SHMT1: variants seen among roughly 807,000 people sequenced by gnomAD.
SHMT1 encodes serine hydroxymethyltransferase 1.
SHMT1 carries 45 observed loss-of-function variants against 49.0 expected under a neutral mutation model. The ratio of observed to expected loss-of-function variants is 0.92; its 90% CI spans 0.72 to 1.18. SHMT1 has a LOEUF of 1.18. Ranked by LOEUF, SHMT1 falls within the 50% of genes most tolerant of loss-of-function variation. The probability of loss-of-function intolerance (pLI) is 0.00; values close to 1 mark genes in which losing one functional copy is unlikely to be tolerated. For missense variants in SHMT1, 541 were observed against 612.4 expected, an observed-to-expected ratio of 0.88 and a Z score of 1.23; for synonymous variants, 232 against 246.6, an observed-to-expected ratio of 0.94 and a Z score of 0.55.
intron 1 of SHMT1, among the ~76,000 whole-genome samples, chr17:18,362,036 A>G (rs746835443): frequency 1.3e-5 from 2 of 152,210 alleles, no homozygotes; most frequent in Non-Finnish European, 2.9e-5. Flanking sequence ...CCTCTGTCAC[A>G]TAAGAGGATC....
At chr17:18,346,371 G>A (rs995596213) in intron 5 of SHMT1, among the ~76,000 whole-genome samples, 1 of 152,126 alleles carries the variant, frequency 6.6e-6, no homozygotes, top group Admixed American at 6.6e-5. Flanking sequence ...ATTATCCTTC[G>A]TTTTTATAGA....
At chr17:18,349,893 G>A (rs534427928) in intron 3 of SHMT1, among the ~76,000 whole-genome samples, 11 of 152,056 alleles carry the variant, frequency 7.2e-5, no homozygotes, top group South Asian at 4.2e-4. Context: ...GGTGGTGCAC[G>A]CCTGTATTCC....
chr17:18,338,165 G>A (rs1374586327), intron 7 of SHMT1, among the ~76,000 whole-genome samples: 1 of 150,916 alleles, frequency 6.6e-6, no homozygotes, highest in East Asian at 2.0e-4. Flanking sequence ...TGAGATGTGG[G>A]GAGCGCCTCT....
chr17:18,331,751 G>C (rs1365948767), intron 9 of SHMT1: 1 of 152,252 alleles, frequency 6.6e-6, no homozygotes, highest in Admixed American at 6.5e-5. Flanking sequence ...GCACATTGAA[G>C]TTTAAGAAAC....
At chr17:18,353,949 G>A (rs1041966776) in intron 2 of SHMT1, 132 bp from the exon 3 acceptor site, 1 of 843,278 alleles carries the variant, frequency 1.2e-6, no homozygotes, top group East Asian at 2.5e-5. Context: ...CTCCTCAAAG[G>A]TTTTAGTATC....
At chr17:18,359,914 G>A (rs1033175064) in intron 1 of SHMT1, among the ~76,000 whole-genome samples, 5 of 148,904 alleles carry the variant, frequency 3.4e-5, no homozygotes, top group Middle Eastern at 3.5e-3. Context: ...CCACTGCACC[G>A]CAGCCTGGCA....
intron 3 of SHMT1, among the ~76,000 whole-genome samples, chr17:18,350,977 C>T (rs569278063): frequency 1.3e-5 from 2 of 152,206 alleles, no homozygotes; most frequent in East Asian, 3.9e-4. Flanking sequence ...AGGTGATCCA[C>T]CTGCCTCAGC....
Position 18,340,219 on chromosome 17 carries a change from C to CG in SHMT1, c.637dup (p.Arg213ProfsTer8), listed in dbSNP as rs762311288. ...GTTCTCATCTGCAATCTTCCGTAGCCGGGCATATTCCAGGTTTCGGGAGTA... is the reference window on the plus strand; with the variant it reads ...GTTCTCATCTGCAATCTTCCGTAGCCGGGGCATATTCCAGGTTTCGGGAGTA... On this transcript the variant is annotated frameshift_variant, in exon 7 of 12. Coordinates refer to ENST00000316694, the MANE Select transcript of SHMT1 (RefSeq NM_004169.5). LOFTEE classifies it high-confidence loss of function. This position sits in a 1 kb window ranked among gnomAD's most constrained non-coding sequence, Gnocchi z 4.5. 1.9e-6 allele frequency: 3 copies of CG among 1,614,104 alleles called. No homozygotes were observed. The highest frequency in any genetic ancestry group is 1.7e-5 in the Admixed American group (1 of 60,004).
At chr17:18,361,562 C>A (rs1290758244) in intron 1 of SHMT1, among the ~76,000 whole-genome samples, 1 of 151,514 alleles carries the variant, frequency 6.6e-6, no homozygotes, top group Non-Finnish European at 1.5e-5. Flanking sequence ...CCGAGGCGGG[C>A]AGATCACGAG....
At chr17:18,346,686 A>G (rs1985113175) in intron 5 of SHMT1, among the ~76,000 whole-genome samples, 1 of 152,208 alleles carries the variant, frequency 6.6e-6, no homozygotes, top group Non-Finnish European at 1.5e-5. Flanking sequence ...TCAAAAATGC[A>G]TGTAATATAC....
intron 2 of SHMT1, 28 bp downstream of exon 2, chr17:18,355,858 A>G (rs755441192): frequency 7.5e-6 from 11 of 1,471,584 alleles, no homozygotes; most frequent in Admixed American, 5.0e-5. Flanking sequence ...CAACATAAAA[A>G]AATCTGTGAA....
chr17:18,349,189 G>A lies in SHMT1; in HGVS notation c.243-749C>T, dbSNP rs113855689. Among the ~76,000 whole-genome samples the A allele has an allele frequency of 8.4e-3, 1,275 of 152,250 alleles. 22 individuals are homozygous for A. Among genetic ancestry groups the A allele is most frequent in the African/African-American group, 0.028 (1,162 of 41,550 alleles). ...AATCCCAGCACTTTGGGAGGCCGAG[G>A]TGGGCAGATCACCTGAGGTCAGGAG... On this transcript the variant is annotated intron_variant, in intron 3 of 11. Coordinates refer to ENST00000316694, the MANE Select transcript of SHMT1 (RefSeq NM_004169.5).
chr17:18,344,862 C>T (rs1049363745), intron 5 of SHMT1, among the ~76,000 whole-genome samples: 1 of 152,156 alleles, frequency 6.6e-6, no homozygotes, highest in African/African-American at 2.4e-5. Flanking sequence ...GTTGCTGTTG[C>T]TCTAGCCTGG....
At chr17:18,332,798 G>T (rs1983360175) in intron 9 of SHMT1, 1 of 352,710 alleles carries the variant, frequency 2.8e-6, no homozygotes, top group Non-Finnish European at 5.6e-6. Context: ...CACTCCCCTG[G>T]CACAGTGCAA....
At chr17:18,341,951 A>C (rs1231158799) in intron 5 of SHMT1, among the ~76,000 whole-genome samples, 1 of 152,274 alleles carries the variant, frequency 6.6e-6, no homozygotes, top group Non-Finnish European at 1.5e-5. Flanking sequence ...AATCAATGGC[A>C]CTAGGTCAAC....
chr17:18,352,174 G>A lies in SHMT1; in HGVS notation c.242+1498C>T, dbSNP rs527695312. 2.0e-3 allele frequency among the ~76,000 whole-genome samples: 238 copies of A among 116,576 alleles called. 2 individuals carry two copies. The highest frequency in any genetic ancestry group is 6.9e-3 in the African/African-American group (224 of 32,370). The allele number at this position is 116,576 out of a possible 152,430, so 76.5% of individuals were successfully genotyped here. ...TCTTTTTTTTTTTTTTTGAGACGGA[G>A]GCTCGCTATCGCCCAGGCTAGAGTG... On this transcript the variant is annotated intron_variant, in intron 3 of 11. Coordinates refer to ENST00000316694, the MANE Select transcript of SHMT1 (RefSeq NM_004169.5).
At chr17:18,353,553 G>A in intron 3 of SHMT1, 119 bp downstream of exon 3, 3 of 1,079,830 alleles carry the variant, frequency 2.8e-6, no homozygotes, top group Non-Finnish European at 4.3e-6. Flanking sequence ...GCGTGGAACA[G>A]AAATCCTACA....
chr17:18,343,034 C>T (rs910743798), intron 5 of SHMT1, among the ~76,000 whole-genome samples: 10 of 151,964 alleles, frequency 6.6e-5, no homozygotes, highest in Non-Finnish European at 1.2e-4. Flanking sequence ...TGGAGGGTGG[C>T]AGACAATGGA....
chr17:18,351,447 A>G (rs1446526046), intron 3 of SHMT1, among the ~76,000 whole-genome samples: 1 of 151,140 alleles, frequency 6.6e-6, no homozygotes, highest in East Asian at 2.0e-4. Flanking sequence ...CGCCCAGCCA[A>G]TAATTACCTT....
Sources: allele counts gnomAD v4.1 joint callset (sites outside exome capture counted in the v4.1 genomes callset), GRCh38; gene constraint gnomAD v4.1.1; non-coding constraint Gnocchi (gnomAD v3.1); transcripts MANE v1.5; gene names NCBI Gene and HGNC (gene_info 2026-07-23, HGNC 2026-07-21).